DNAH11: variants seen among roughly 807,000 people sequenced by gnomAD.
DNAH11 encodes the protein dynein axonemal heavy chain 11, also known as axonemal beta dynein heavy chain 11.
DNAH11 carries 442 observed loss-of-function variants against 526.0 expected under a neutral mutation model. The observed-to-expected ratio is 0.84, with a 90% CI of 0.78 to 0.91. The LOEUF is 0.91. Among genes scored for constraint, DNAH11 ranks in the 40% least tolerant of loss-of-function variants. The pLI is 0.00. For missense variants in DNAH11, 6,989 were observed against 5,448.7 expected (o/e 1.28, Z -8.90); for synonymous variants, 2,461 against 1,935.9 (o/e 1.27, Z -7.12).
chr7:21,628,128 T>G (rs534782831), intron 25 of DNAH11, among the ~76,000 whole-genome samples: 1 of 152,180 alleles, frequency 6.6e-6, no homozygotes, highest in Admixed American at 6.5e-5. Flanking sequence ...GTTTTTTGTA[T>G]GTCTACTTTG....
rs368656954 is a variant in DNAH11 at position 21,807,936 on chromosome 7, C to G, written c.10219C>G (p.Leu3407Val). Residue 3407 changes from leucine to valine, a missense_variant, in exon 63 of 82, where the codon CTC (leucine) becomes GTC (valine). Coordinates refer to ENST00000409508, the MANE Select transcript of DNAH11 (RefSeq NM_001277115.2). The part of the protein sequence containing the change: ...IKSFEAQEKT[L>V]CGDVLLTAAF... ...GTCCTTTGAAGCTCAAGAGAAGACA[C>G]TCTGTGGAGATGTTCTTCTCACGGC... 8.1e-6 allele frequency: 13 copies of G among 1,609,606 alleles called. No homozygotes were observed. Among genetic ancestry groups the G allele is most frequent in the Non-Finnish European group, 1.1e-5 (13 of 1,176,988 alleles).
intron 65 of DNAH11, among the ~76,000 whole-genome samples, chr7:21,841,524 C>T (rs909107801): frequency 6.6e-6 from 1 of 152,100 alleles, no homozygotes; most frequent in African/African-American, 2.4e-5. Context: ...TTCTCTTTTC[C>T]TCCTGTTTCC....
At chr7:21,691,990 A>G (rs1783650634) in intron 35 of DNAH11, among the ~76,000 whole-genome samples, 1 of 152,236 alleles carries the variant, frequency 6.6e-6, no homozygotes, top group South Asian at 2.1e-4. Context: ...TACTCTGCCA[A>G]TGTATGCACT....
chr7:21,781,716 A>G (rs1439152411), intron 57 of DNAH11, among the ~76,000 whole-genome samples: 1 of 152,204 alleles, frequency 6.6e-6, no homozygotes. Context: ...AAGGCAGACA[A>G]GTGCACTGTA....
At chr7:21,653,450 A>G (rs974263217) in intron 28 of DNAH11, among the ~76,000 whole-genome samples, 18 of 152,218 alleles carry the variant, frequency 1.2e-4, no homozygotes, top group Non-Finnish European at 2.4e-4. Context: ...TTGAGTTACT[A>G]TAGAGCTAGA....
chr7:21,664,780 A>G (rs185545310), intron 30 of DNAH11, among the ~76,000 whole-genome samples: 4 of 152,122 alleles, frequency 2.6e-5, no homozygotes, highest in Non-Finnish European at 5.9e-5. Context: ...TAATTTTGCA[A>G]TTACTCAGTT....
rs1445662882 is a variant in DNAH11, at chr7:21,571,964, C to T, written c.1584C>T (p.Cys528=). The T allele has an allele frequency of 2.6e-6, 4 of 1,558,746 alleles. No individual in the cohort carries two copies. The highest frequency in any genetic ancestry group is 3.5e-6 in the Non-Finnish European group (4 of 1,156,848). Residue 528 remains cysteine, a synonymous_variant, in exon 8 of 82, where the codon TGC becomes TGT. Transcript: ENST00000409508. ...FKQSTYDPSD[C]TNMEFESDYV... is the part of the protein sequence containing the mutation. ...AGAGCACTTATGACCCATCTGATTG[C>T]ACTAACATGGTAATGTTGTACCTTT...
At chr7:21,556,325 G>T (rs1042090313) in intron 2 of DNAH11, among the ~76,000 whole-genome samples, 1 of 152,140 alleles carries the variant, frequency 6.6e-6, no homozygotes, top group Non-Finnish European at 1.5e-5. Flanking sequence ...CCTCAAAAAT[G>T]GACCCTTTAA....
rs766461710 is a variant in DNAH11, at chr7:21,786,786, A to T, written c.9741+19A>T. The T allele has an allele frequency of 6.2e-7, 1 of 1,613,128 alleles. No individual in the cohort carries two copies. The highest frequency in any genetic ancestry group is 1.7e-5 in the Admixed American group (1 of 60,014). On this transcript the variant is annotated intron_variant, in intron 59 of 81. Transcript: ENST00000409508. ...GGGAAAGGTATCAGCCCAGCCTGGC[A>T]AGATGAAAATCCTGATAATTTCCAT...
Position 21,734,173 on chromosome 7 carries a change from A to G in DNAH11, c.7441-1467A>G, listed in dbSNP as rs191127733. 2.1e-3 allele frequency among the ~76,000 whole-genome samples: 314 copies of G among 152,290 alleles called. 6 individuals are homozygous for G. The highest frequency in any genetic ancestry group is 7.7e-4 in the East Asian group (4 of 5,180). ...CCACTTACTAGTAGCTATGACCTTG[A>G]CCGAGTCAGTTATGTTCTTTAAGCT... On this transcript the variant is annotated intron_variant, in intron 45 of 81. Transcript: ENST00000409508.
intron 68 of DNAH11, among the ~76,000 whole-genome samples, chr7:21,859,311 A>C (rs936147274): frequency 6.6e-6 from 1 of 152,062 alleles, no homozygotes; most frequent in Non-Finnish European, 1.5e-5. Context: ...ATGGGGTTTC[A>C]CCATGTTGGC....
intron 62 of DNAH11, among the ~76,000 whole-genome samples, chr7:21,806,488 C>T (rs964414316): frequency 1.3e-5 from 2 of 152,106 alleles, no homozygotes; most frequent in Non-Finnish European, 1.5e-5. Context: ...ATCTTGAAAC[C>T]ACTTTGATAA....
intron 45 of DNAH11, 33 bp from the exon 46 acceptor site, chr7:21,735,607 C>T: frequency 6.5e-7 from 1 of 1,547,942 alleles, no homozygotes; most frequent in South Asian, 1.2e-5. Flanking sequence ...CTCTCTCTTT[C>T]TGATCTTTGT....
At chr7:21,709,426 T>C (rs1258539386) in intron 40 of DNAH11, among the ~76,000 whole-genome samples, 7 of 151,760 alleles carry the variant, frequency 4.6e-5, no homozygotes, top group African/African-American at 1.5e-4. Context: ...CTATTAGAGG[T>C]GGGAGGGAAG....
chr7:21,636,700 C>G (rs1220638608), intron 26 of DNAH11, among the ~76,000 whole-genome samples: 1 of 152,142 alleles, frequency 6.6e-6, no homozygotes, highest in African/African-American at 2.4e-5. Flanking sequence ...GACTGCAGCA[C>G]TGCACTCCAG....
At chr7:21,862,872 G>T (rs1432299587) in intron 69 of DNAH11, among the ~76,000 whole-genome samples, 1 of 152,002 alleles carries the variant, frequency 6.6e-6, no homozygotes, top group African/African-American at 2.4e-5. Flanking sequence ...AGACCATCCT[G>T]GCTAACACAG....
In DNAH11 at chr7:21,724,972, A is replaced by T. The variant is rs78396670; in HGVS notation, c.7267-839A>T. Reference sequence around the variant, plus strand: ...CACTGGGACAGGTCATCCTGTAGACATGGGCATCACTGGGCCAGGTCATCC... The same window carrying T: ...CACTGGGACAGGTCATCCTGTAGACTTGGGCATCACTGGGCCAGGTCATCC... On this transcript the variant is annotated intron_variant, in intron 44 of 81. Transcript: ENST00000409508. Among the ~76,000 whole-genome samples the T allele has an allele frequency of 7.8e-4, 23 of 29,646 alleles. No individual in the cohort carries two copies. The highest frequency in any genetic ancestry group is 3.4e-3 in the East Asian group (4 of 1,172). The allele number at this position is 29,646 out of a possible 152,430, so 19.4% of individuals were successfully genotyped here. A position where few individuals can be genotyped will look rare whatever the true frequency, so the allele number is the denominator to read the frequency against.
In DNAH11 at chr7:21,564,241, C is replaced by T. The variant is rs753170813; in HGVS notation, c.1038C>T (p.Ile346=). 6.2e-7 allele frequency: 1 copy of T among 1,612,942 alleles called. No individual in the cohort carries two copies. Among genetic ancestry groups the T allele is most frequent in the East Asian group, 2.2e-5 (1 of 44,848 alleles). ...ELYLRPLRRH[I]QCLQETEFPQ... is the part of the protein sequence containing the mutation. ...ACCTGAGACCTCTGAGGAGACACATCCAGTGTCTCCAGGAGACGGAATTCC... is the reference window on the plus strand; with the variant it reads ...ACCTGAGACCTCTGAGGAGACACATTCAGTGTCTCCAGGAGACGGAATTCC... Residue 346 remains isoleucine, a synonymous_variant, in exon 6 of 82, where the codon ATC becomes ATT. Coordinates refer to ENST00000409508, the MANE Select transcript of DNAH11 (RefSeq NM_001277115.2).
intron 9 of DNAH11, among the ~76,000 whole-genome samples, chr7:21,584,851 T>G (rs1277112086): frequency 6.6e-6 from 1 of 152,076 alleles, no homozygotes; most frequent in Non-Finnish European, 1.5e-5. Flanking sequence ...TTTCTTGCCT[T>G]TATAACAGAA....
Sources: gnomAD v4.1 joint callset for allele counts (sites outside exome capture counted in the v4.1 genomes callset) on GRCh38, gnomAD v4.1.1 for gene constraint, MANE v1.5 for transcripts, NCBI Gene and HGNC (gene_info 2026-07-23, HGNC 2026-07-21) for gene names.